Variants in ELAVL2 observed in about 807,000 individuals in gnomAD.
The protein encoded by ELAVL2 is ELAV like RNA binding protein 2.
Under a neutral mutation model 34.6 loss-of-function variants are expected in ELAVL2, and 4 were observed. That is an observed-to-expected ratio of 0.12 (90% CI 0.06 to 0.26). The LOEUF (loss-of-function observed/expected upper bound fraction) is 0.26. Among genes scored for constraint, ELAVL2 ranks in the 10% least tolerant of loss-of-function variants. The probability of loss-of-function intolerance (pLI) is 1.00; values close to 1 mark genes in which losing one functional copy is unlikely to be tolerated. For missense variants in ELAVL2, 432 were observed against 442.8 expected, an observed-to-expected ratio of 0.98 and a Z score of 0.22; for synonymous variants, 193 against 154.8, an observed-to-expected ratio of 1.25 and a Z score of -1.83.
chr9:23,731,877 C>T lies in ELAVL2; in HGVS notation c.230-752G>A, dbSNP rs187659997. Among the ~76,000 whole-genome samples, 677 of 152,118 alleles carry T rather than the reference C, an allele frequency of 4.5e-3. 3 individuals are homozygous for T. Among genetic ancestry groups the T allele is most frequent in the Admixed American group, 4.6e-3 (70 of 15,258 alleles). On this transcript the variant is annotated intron_variant, in intron 2 of 6. Coordinates refer to ENST00000397312, the MANE Select transcript of ELAVL2 (RefSeq NM_004432.5). Reference sequence around the variant, plus strand: ...TGCTTCTAAGTGTTTGTTGTTGTTGCCACCCTCCCCCCATCATCTGAGCCC... The same window carrying T: ...TGCTTCTAAGTGTTTGTTGTTGTTGTCACCCTCCCCCCATCATCTGAGCCC...
intron 2 of ELAVL2, among the ~76,000 whole-genome samples, chr9:23,743,540 T>G (rs1391834518): frequency 6.6e-6 from 1 of 152,176 alleles, no homozygotes; most frequent in East Asian, 1.9e-4. Flanking sequence ...CAGAGGCTTG[T>G]CTTGTCTTTT....
At chr9:23,801,524 C>G (rs1364462196) in intron 1 of ELAVL2, among the ~76,000 whole-genome samples, 1 of 152,136 alleles carries the variant, frequency 6.6e-6, no homozygotes, top group South Asian at 2.1e-4. Context: ...AGCAGAAATC[C>G]CAGAGTATCA....
chr9:23,829,560 A>T (rs558467848), upstream of ELAVL2: 1 of 152,328 alleles, frequency 6.6e-6, no homozygotes, highest in Admixed American at 6.5e-5. Flanking sequence ...AGTATGGTGG[A>T]GTAGGGGGTT....
At chr9:23,765,578 C>T (rs2056058131) in intron 1 of ELAVL2, among the ~76,000 whole-genome samples, 1 of 151,972 alleles carries the variant, frequency 6.6e-6, no homozygotes, top group Admixed American at 6.6e-5. Flanking sequence ...CTATATTTGC[C>T]CACACTGTTA....
intron 2 of ELAVL2, among the ~76,000 whole-genome samples, chr9:23,761,235 A>G (rs1231336204): frequency 6.6e-6 from 1 of 152,082 alleles, no homozygotes; most frequent in Non-Finnish European, 1.5e-5. Flanking sequence ...CTACCTTCGT[A>G]TATTTTTAGT....
intron 1 of ELAVL2, among the ~76,000 whole-genome samples, chr9:23,774,165 C>CCTA (rs1397498437): frequency 7.3e-6 from 1 of 136,438 alleles, no homozygotes; most frequent in Non-Finnish European, 1.5e-5. Context: ...GAGTCTAGAT[C>CCTA]GCACCACTGC....
chr9:23,704,698 C>T (rs1173276374), intron 4 of ELAVL2, among the ~76,000 whole-genome samples: 2 of 152,186 alleles, frequency 1.3e-5, no homozygotes, highest in Non-Finnish European at 2.9e-5. Flanking sequence ...TTCAATCCTG[C>T]ACCTTCAGGG....
At chr9:23,782,459 C>A (rs998439950) in intron 1 of ELAVL2, among the ~76,000 whole-genome samples, 1 of 152,026 alleles carries the variant, frequency 6.6e-6, no homozygotes, top group African/African-American at 2.4e-5. Flanking sequence ...GTAATCCCAG[C>A]TACTCAGGAG....
chr9:23,768,896 A>T (rs1213906816), intron 1 of ELAVL2, among the ~76,000 whole-genome samples: 1 of 152,216 alleles, frequency 6.6e-6, no homozygotes. Context: ...AGTGATCTTC[A>T]TACTAACTAG....
intron 1 of ELAVL2, among the ~76,000 whole-genome samples, chr9:23,784,925 G>T (rs998829248): frequency 3.3e-5 from 5 of 152,142 alleles, no homozygotes; most frequent in Non-Finnish European, 5.9e-5. Flanking sequence ...AATCTTATTT[G>T]GTTCCAGGCA....
At position 23,718,775 on chromosome 9, in the gene ELAVL2, T is replaced by C. The variant is rs368992442; in HGVS notation, c.333+12247A>G. Among the ~76,000 whole-genome samples, 51 of 152,284 alleles carry C rather than the reference T, an allele frequency of 3.3e-4. 1 individual carries two copies. In the South Asian group the frequency reaches 0.01, roughly 30 times the overall value. On this transcript the variant is annotated intron_variant, in intron 3 of 6. Transcript: ENST00000397312. ...TTATGACTTTAAGTCTACCAAGATA[T>C]TTCTCTCACAACATGATTAGACATT...
chr9:23,760,167 T>G (rs1002857574), intron 2 of ELAVL2, among the ~76,000 whole-genome samples: 1 of 151,980 alleles, frequency 6.6e-6, no homozygotes, highest in Admixed American at 6.6e-5. Flanking sequence ...GTAAGATTAA[T>G]TCAAGATTGA....
intron 1 of ELAVL2, among the ~76,000 whole-genome samples, chr9:23,801,401 A>T (rs1183384849): frequency 6.6e-6 from 1 of 152,182 alleles, no homozygotes; most frequent in Admixed American, 6.5e-5. Flanking sequence ...AGGAAAAGTT[A>T]TACTGTCATT....
intron 1 of ELAVL2, among the ~76,000 whole-genome samples, chr9:23,820,180 A>G (rs1458567294): frequency 2.0e-5 from 3 of 152,236 alleles, no homozygotes; most frequent in African/African-American, 4.8e-5. Flanking sequence ...CAACAAAACA[A>G]TATTTCAAAC....
chr9:23,802,910 T>A (rs998514), intron 1 of ELAVL2, among the ~76,000 whole-genome samples: 1 of 151,912 alleles, frequency 6.6e-6, no homozygotes, highest in Non-Finnish European at 1.5e-5. Context: ...TTTAAACAGG[T>A]TTTTAAACTT....
intron 1 of ELAVL2, among the ~76,000 whole-genome samples, chr9:23,806,938 T>G (rs1048608159): frequency 6.6e-6 from 1 of 152,074 alleles, no homozygotes; most frequent in African/African-American, 2.4e-5. Context: ...CCATCAAGAG[T>G]AGAGGTTACT....
intron 2 of ELAVL2, among the ~76,000 whole-genome samples, chr9:23,751,384 C>T (rs2051985008): frequency 6.6e-6 from 1 of 152,136 alleles, no homozygotes; most frequent in Admixed American, 6.6e-5. Flanking sequence ...CCCATACACA[C>T]AAACTGAAAT....
At chr9:23,730,443 C>G (rs1184248269) in intron 3 of ELAVL2, among the ~76,000 whole-genome samples, 1 of 152,084 alleles carries the variant, frequency 6.6e-6, no homozygotes, top group Non-Finnish European at 1.5e-5. Context: ...AGCCTGCCAC[C>G]TTTTTGTATA....
intron 1 of ELAVL2, among the ~76,000 whole-genome samples, chr9:23,817,245 T>C (rs2063842458): frequency 6.7e-6 from 1 of 148,264 alleles, no homozygotes; most frequent in Non-Finnish European, 1.5e-5. Context: ...TGCAAGTTTA[T>C]TTAAAAAAAA....
Sources: gnomAD v4.1 joint callset for allele counts (sites outside exome capture counted in the v4.1 genomes callset) on GRCh38, gnomAD v4.1.1 for gene constraint, MANE v1.5 for transcripts, NCBI Gene and HGNC (gene_info 2026-07-23, HGNC 2026-07-21) for gene names.